PANK1: variants seen among roughly 807,000 people sequenced by gnomAD.
PANK1 encodes pantothenic acid kinase 1.
Under a neutral mutation model 40.1 loss-of-function variants are expected in PANK1, and 18 were observed. The ratio of observed to expected loss-of-function variants is 0.45; its 90% CI spans 0.31 to 0.67. The LOEUF is 0.67. Among genes scored for constraint, PANK1 ranks in the 30% least tolerant of loss-of-function variants. PANK1 has a pLI of 0.06. For synonymous variants in PANK1, 242 were observed against 237.7 expected (o/e 1.02, Z -0.17); for missense variants, 457 against 599.6 (o/e 0.76, Z 2.48).
chr10:89,609,198 G>A (rs753591627), intron 2 of PANK1, among the ~76,000 whole-genome samples: 7 of 152,170 alleles, frequency 4.6e-5, no homozygotes, highest in Non-Finnish European at 1.0e-4. Context: ...CTGAGTAGCT[G>A]GGATTACAGG....
rs900008386 is a variant in PANK1, at chr10:89,584,550, C to A, written c.1327-85G>T. 2.3e-5 allele frequency: 20 copies of A among 857,434 alleles called. No homozygotes were observed. In the Admixed American group the frequency reaches 3.5e-4, roughly 15 times the overall value. The allele number at this position is 857,434 out of a possible 1,614,324, so 53.1% of individuals were successfully genotyped here. ...ATAATTCTAGGAATGCCACTAATAT[C>A]GATAAAAGAGAAATTTAAAACCTAA... On this transcript the variant is annotated intron_variant, in intron 6 of 6. Coordinates refer to ENST00000307534, the MANE Select transcript of PANK1 (RefSeq NM_148977.3).
chr10:89,632,586 A>G (rs1333136161), intron 1 of PANK1, among the ~76,000 whole-genome samples: 1 of 152,250 alleles, frequency 6.6e-6, no homozygotes, highest in Non-Finnish European at 1.5e-5. Context: ...ATAATGAATT[A>G]TGAAATAAGT....
intron 1 of PANK1, among the ~76,000 whole-genome samples, chr10:89,616,695 G>C (rs1171068794): frequency 6.6e-6 from 1 of 152,176 alleles, no homozygotes; most frequent in Non-Finnish European, 1.5e-5. Context: ...GGCCCAGGCA[G>C]GCGGATTTTG....
intron 1 of PANK1, among the ~76,000 whole-genome samples, chr10:89,630,843 A>G (rs953913875): frequency 6.6e-6 from 1 of 152,124 alleles, no homozygotes; most frequent in Non-Finnish European, 1.5e-5. Context: ...AAAAATTAAG[A>G]TTTTTGAATT....
chr10:89,622,913 T>C (rs1419741287), intron 1 of PANK1, among the ~76,000 whole-genome samples: 1 of 152,108 alleles, frequency 6.6e-6, no homozygotes, highest in Non-Finnish European at 1.5e-5. Context: ...AACAGAGGGC[T>C]AATTAAACAA....
intron 1 of PANK1, among the ~76,000 whole-genome samples, chr10:89,617,646 G>A (rs116879846): frequency 6.6e-6 from 1 of 152,306 alleles, no homozygotes; most frequent in East Asian, 1.9e-4. Context: ...AGTTGACACT[G>A]TGGCTTCTTG....
chr10:89,630,291 T>A (rs1040745846), intron 1 of PANK1, among the ~76,000 whole-genome samples: 1 of 152,182 alleles, frequency 6.6e-6, no homozygotes, highest in Non-Finnish European at 1.5e-5. Context: ...AATGAGTTAA[T>A]CCAGCAGCAG....
At chr10:89,641,219 A>T (rs1247738458) in intron 1 of PANK1, among the ~76,000 whole-genome samples, 2 of 152,248 alleles carry the variant, frequency 1.3e-5, no homozygotes, top group East Asian at 3.8e-4. Flanking sequence ...CTCTATGCAG[A>T]TACAACCAGA....
intron 5 of PANK1, 82 bp from the exon 6 acceptor site, chr10:89,588,859 G>T: frequency 2.1e-6 from 2 of 931,636 alleles, no homozygotes; most frequent in Non-Finnish European, 3.1e-6. Context: ...GTATGTCTCT[G>T]TACAGAACCT....
At chr10:89,643,925 A>C in intron 1 of PANK1, 3 of 1,290,508 alleles carry the variant, frequency 2.3e-6, no homozygotes, top group Non-Finnish European at 3.0e-6. Context: ...ACAAACCCTC[A>C]ACTCAACCTC....
At chr10:89,586,924 C>T (rs1049575165) in intron 6 of PANK1, among the ~76,000 whole-genome samples, 4 of 151,980 alleles carry the variant, frequency 2.6e-5, no homozygotes, top group Admixed American at 6.6e-5. Context: ...GTCAGGAGTT[C>T]GAGACCATCC....
chr10:89,615,709 C>T (rs1845296400), intron 1 of PANK1, among the ~76,000 whole-genome samples: 1 of 152,032 alleles, frequency 6.6e-6, no homozygotes, highest in South Asian at 2.1e-4. Flanking sequence ...ATTGGCTTTT[C>T]TTTACCTATG....
rs993781727 is a variant in PANK1 at position 89,609,669 on chromosome 10, A to G, written c.645+2027T>C. ...GGCAGTTCATAGACTCTTCTTTCAC[A>G]GATGGATGCCCAACCTGGCCAGACT... On this transcript the variant is annotated intron_variant, in intron 2 of 6. Coordinates refer to ENST00000307534, the MANE Select transcript of PANK1 (RefSeq NM_148977.3). Among the ~76,000 whole-genome samples the G allele has an allele frequency of 8.0e-4, 122 of 152,338 alleles. 3 individuals carry two copies. The highest frequency in any genetic ancestry group is 1.3e-3 in the Non-Finnish European group (87 of 68,024).
intron 1 of PANK1, among the ~76,000 whole-genome samples, chr10:89,641,373 T>C (rs561696842): frequency 4.6e-5 from 7 of 152,238 alleles, no homozygotes; most frequent in Non-Finnish European, 8.8e-5. Context: ...CTAAAACTGG[T>C]AACAGATTTG....
intron 1 of PANK1, among the ~76,000 whole-genome samples, chr10:89,633,548 C>A: frequency 6.6e-6 from 1 of 150,684 alleles, no homozygotes; most frequent in Non-Finnish European, 1.5e-5. Context: ...TTTTTTAAAT[C>A]AAACATAGGT....
intron 1 of PANK1, among the ~76,000 whole-genome samples, chr10:89,642,146 C>T (rs1331656377): frequency 6.6e-6 from 1 of 152,132 alleles, no homozygotes; most frequent in African/African-American, 2.4e-5. Flanking sequence ...AATTAACCTG[C>T]CACTGGTCTG....
intron 2 of PANK1, among the ~76,000 whole-genome samples, chr10:89,605,553 G>A (rs895250976): frequency 5.3e-5 from 8 of 152,210 alleles, no homozygotes; most frequent in African/African-American, 1.9e-4. Flanking sequence ...TCATGAGATT[G>A]TAGCAATTCA....
At chr10:89,643,992 G>T in intron 1 of PANK1, 1 of 613,668 alleles carries the variant, frequency 1.6e-6, no homozygotes, top group Non-Finnish European at 2.4e-6. Flanking sequence ...CATAGTTCCG[G>T]CCCACATGGT....
At position 89,584,382 on chromosome 10, in the gene PANK1, G is replaced by A; in HGVS notation, c.*24C>T. On this transcript the variant is annotated 3_prime_UTR_variant, in exon 7 of 7. Transcript: ENST00000307534. ...TTTTTAGTTCTCTGTCCTTTTGGGA[G>A]GCTGTTTCCTCCACTGCTCGTCTCT... The A allele has an allele frequency of 2.6e-6, 4 of 1,521,302 alleles. No individual in the cohort carries two copies. The highest frequency in any genetic ancestry group is 4.5e-5 in the East Asian group (2 of 44,458). The allele number at this position is 1,521,302 out of a possible 1,614,324, so 94.2% of individuals were successfully genotyped here.
Sources: gnomAD v4.1 joint callset for allele counts (sites outside exome capture counted in the v4.1 genomes callset) on GRCh38, gnomAD v4.1.1 for gene constraint, MANE v1.5 for transcripts, NCBI Gene and HGNC (gene_info 2026-07-23, HGNC 2026-07-21) for gene names.